The following SUPT3H variants were observed in gnomAD, a reference collection of about 807,000 sequenced individuals.
The protein encoded by SUPT3H is SPT3 homolog, SAGA and STAGA complex component.
Under a neutral mutation model 44.3 loss-of-function variants are expected in SUPT3H, and 44 were observed. That is an observed-to-expected ratio of 0.99 (90% CI 0.78 to 1.28). The LOEUF is 1.28. SUPT3H is among the 50% of genes most tolerant of loss of function. SUPT3H has a pLI of 0.00. For missense variants in SUPT3H, 380 were observed against 387.1 expected, an observed-to-expected ratio of 0.98 and a Z score of 0.15; for synonymous variants, 124 against 125.6, an observed-to-expected ratio of 0.99 and a Z score of 0.09.
chr6:44,829,952 G>GCCAGCAGAGTCTAC, intron 10 of SUPT3H, 95 bp from the exon 11 acceptor site: 3 of 1,104,254 alleles, frequency 2.7e-6, no homozygotes, highest in Non-Finnish European at 4.2e-6. Context: ...CTGTTTTGTA[G>GCCAGCAGAGTCTAC]ACTCTGCTGG....
downstream of SUPT3H, among the ~76,000 whole-genome samples, chr6:44,821,830 C>T (rs931089887): frequency 1.2e-4 from 19 of 152,064 alleles, no homozygotes; most frequent in East Asian, 1.9e-4. Context: ...CATTGGAGAA[C>T]GAGGAGACAA....
At chr6:45,173,067 T>C (rs1029929357) in intron 2 of SUPT3H, among the ~76,000 whole-genome samples, 2 of 152,064 alleles carry the variant, frequency 1.3e-5, no homozygotes, top group East Asian at 1.9e-4. Context: ...AGAAGGTACA[T>C]ACAAATAATC....
At chr6:45,140,450 G>C (rs996208473) in intron 2 of SUPT3H, among the ~76,000 whole-genome samples, 4 of 152,070 alleles carry the variant, frequency 2.6e-5, no homozygotes, top group Admixed American at 1.3e-4. Context: ...ACCCAACTCA[G>C]GCAATTACAT....
rs752855151 is a variant in SUPT3H, at chr6:45,327,429, C to A, written c.101+37772G>T. ...TAAACTACTTAAAGAACTATATAAACTGAATACACTTCAATGAAAGACAAA... is the reference window on the plus strand; with the variant it reads ...TAAACTACTTAAAGAACTATATAAAATGAATACACTTCAATGAAAGACAAA... On this transcript the variant is annotated intron_variant, in intron 2 of 10. Coordinates refer to ENST00000371459, the MANE Select transcript of SUPT3H (RefSeq NM_003599.4). 4.5e-4 allele frequency among the ~76,000 whole-genome samples: 69 copies of A among 152,024 alleles called. 3 individuals carry two copies. Among genetic ancestry groups the A allele is most frequent in the Middle Eastern group, 3.4e-3 (1 of 294 alleles).
intron 6 of SUPT3H, among the ~76,000 whole-genome samples, chr6:44,997,093 T>C (rs1434160964): frequency 6.6e-6 from 1 of 151,838 alleles, no homozygotes; most frequent in Non-Finnish European, 1.5e-5. Flanking sequence ...AATTGTGGTT[T>C]TGCCATTAAA....
intron 2 of SUPT3H, among the ~76,000 whole-genome samples, chr6:45,166,241 G>C (rs540535321): frequency 9.9e-5 from 15 of 152,046 alleles, no homozygotes; most frequent in Non-Finnish European, 1.3e-4. Flanking sequence ...TGCAGTGAGC[G>C]TGATTGCACT....
At chr6:45,077,647 A>AT in intron 3 of SUPT3H, among the ~76,000 whole-genome samples, 1 of 89,316 alleles carries the variant, frequency 1.1e-5, no homozygotes, top group African/African-American at 6.1e-5. Flanking sequence ...AAAAAAGAAA[A>AT]GAAAAAAAAA....
intron 2 of SUPT3H, among the ~76,000 whole-genome samples, chr6:45,235,281 A>G (rs191781415): frequency 6.6e-5 from 10 of 152,304 alleles, no homozygotes; most frequent in African/African-American, 2.4e-4. Flanking sequence ...AATTCTAATA[A>G]CTGAAAAGTT....
intron 2 of SUPT3H, among the ~76,000 whole-genome samples, chr6:45,327,266 C>T (rs1786513835): frequency 6.6e-6 from 1 of 151,816 alleles, no homozygotes; most frequent in African/African-American, 2.4e-5. Flanking sequence ...TCAAAGCTTC[C>T]ATTAGAAACA....
chr6:45,019,220 T>G (rs1249701148), intron 4 of SUPT3H, among the ~76,000 whole-genome samples: 1 of 152,174 alleles, frequency 6.6e-6, no homozygotes, highest in Non-Finnish European at 1.5e-5. Flanking sequence ...TTATTATGTC[T>G]ATTTGATTCT....
chr6:45,321,127 T>C (rs1785433221), intron 2 of SUPT3H, among the ~76,000 whole-genome samples: 1 of 152,140 alleles, frequency 6.6e-6, no homozygotes, highest in African/African-American at 2.4e-5. Context: ...CTTCAATTTA[T>C]ATTTGCCATA....
At chr6:44,879,773 AC>A (rs1360992141) in intron 10 of SUPT3H, among the ~76,000 whole-genome samples, 1 of 152,192 alleles carries the variant, frequency 6.6e-6, no homozygotes, top group Non-Finnish European at 1.5e-5. Context: ...TGCTGGTGAT[AC>A]CCAGGCAAAC....
intron 10 of SUPT3H, among the ~76,000 whole-genome samples, chr6:44,917,786 C>T (rs1216708526): frequency 6.6e-6 from 1 of 152,150 alleles, no homozygotes; most frequent in African/African-American, 2.4e-5. Flanking sequence ...TTAAATACTT[C>T]CACACCATTT....
intron 9 of SUPT3H, among the ~76,000 whole-genome samples, chr6:44,943,809 AAAAGT>A (rs2153467697): frequency 6.8e-6 from 1 of 146,926 alleles, no homozygotes; most frequent in Non-Finnish European, 1.5e-5. Context: ...ACAATGAAGA[AAAAGT>A]AAAGACTTTT....
At chr6:45,143,217 T>C (rs1805531032) in intron 2 of SUPT3H, among the ~76,000 whole-genome samples, 1 of 152,108 alleles carries the variant, frequency 6.6e-6, no homozygotes, top group African/African-American at 2.4e-5. Context: ...CCAACATATT[T>C]ACAGAAAATT....
At chr6:45,099,335 A>G (rs1481933378) in intron 3 of SUPT3H, 1 of 111,914 alleles carries the variant, frequency 8.9e-6, no homozygotes. Flanking sequence ...GAATCTTGGA[A>G]TAAATGTGTT....
At chr6:45,223,577 T>C (rs1197633537) in intron 2 of SUPT3H, among the ~76,000 whole-genome samples, 1 of 151,948 alleles carries the variant, frequency 6.6e-6, no homozygotes, top group African/African-American at 2.4e-5. Context: ...CCCTAAATTT[T>C]ATATTTAATA....
chr6:45,059,793 C>G (rs914554451), intron 3 of SUPT3H, among the ~76,000 whole-genome samples: 1 of 151,890 alleles, frequency 6.6e-6, no homozygotes, highest in Non-Finnish European at 1.5e-5. Context: ...TATTCCTATA[C>G]AACAACAACA....
At chr6:45,234,609 T>C (rs758999746) in intron 2 of SUPT3H, among the ~76,000 whole-genome samples, 13 of 152,002 alleles carry the variant, frequency 8.6e-5, no homozygotes, top group Non-Finnish European at 1.6e-4. Context: ...TAAATTATTA[T>C]TGGGCTGAAC....
Sources: gnomAD v4.1 joint callset for allele counts (sites outside exome capture counted in the v4.1 genomes callset) on GRCh38, gnomAD v4.1.1 for gene constraint, MANE v1.5 for transcripts, NCBI Gene and HGNC (gene_info 2026-07-23, HGNC 2026-07-21) for gene names.